The following TRIM37 variants were observed in gnomAD, a reference collection of about 807,000 sequenced individuals.
TRIM37 encodes the protein E3 ubiquitin-protein ligase TRIM37.
A neutral mutation model predicts 129.8 loss-of-function variants in TRIM37; 80 were observed. The observed-to-expected ratio is 0.62, with a 90% CI of 0.51 to 0.74. TRIM37 has a LOEUF of 0.74. TRIM37 is among the 30% of genes least tolerant of loss of function. The pLI is 0.00. For synonymous variants in TRIM37, 389 were observed against 387.1 expected (o/e 1.00, Z -0.06); for missense variants, 1,054 against 1,176.5 (o/e 0.90, Z 1.52).
At chr17:58,979,918 T>C, downstream of TRIM37, 1 of 1,413,760 alleles carries the variant, frequency 7.1e-7, no homozygotes, top group South Asian at 1.3e-5. Context: ...ATAAACGTTC[T>C]TAGCATGCAA....
intron 23 of TRIM37, among the ~76,000 whole-genome samples, chr17:59,000,207 A>T (rs1448330224): frequency 6.6e-6 from 1 of 152,234 alleles, no homozygotes; most frequent in African/African-American, 2.4e-5. Context: ...TATCCACATG[A>T]TAGAATATTA....
intron 9 of TRIM37, among the ~76,000 whole-genome samples, chr17:59,068,421 C>T (rs1487555605): frequency 6.6e-6 from 1 of 152,186 alleles, no homozygotes; most frequent in East Asian, 1.9e-4. Context: ...ATGCACCACA[C>T]TTTGAATTGA....
At chr17:59,101,114 TG>T (rs936549338) in intron 2 of TRIM37, among the ~76,000 whole-genome samples, 11 of 151,146 alleles carry the variant, frequency 7.3e-5, no homozygotes, top group African/African-American at 2.7e-4. Flanking sequence ...TAATAAAAAA[TG>T]ACTGGCTTGA....
chr17:59,103,922 A>C (rs1191076548), intron 2 of TRIM37, among the ~76,000 whole-genome samples: 1 of 152,136 alleles, frequency 6.6e-6, no homozygotes, highest in Non-Finnish European at 1.5e-5. Flanking sequence ...CCAACACTCA[A>C]GTTTTAAAGC....
the TRIM37 span, among the ~76,000 whole-genome samples, chr17:58,977,017 A>C: frequency 6.6e-6 from 1 of 152,144 alleles, no homozygotes; most frequent in Admixed American, 6.6e-5. Context: ...ATATCTTTTA[A>C]ATTTTTGCAT....
At chr17:59,087,214 G>A (rs1363120086) in intron 4 of TRIM37, among the ~76,000 whole-genome samples, 2 of 152,092 alleles carry the variant, frequency 1.3e-5, no homozygotes, top group East Asian at 3.9e-4. Flanking sequence ...TCCTGCCTCA[G>A]CCCCCCAAGT....
rs386833416 is a variant in TRIM37 at position 59,028,459 on chromosome 17, TC to T, written c.2212del (p.Glu738AsnfsTer31). 1.2e-5 allele frequency: 20 copies of T among 1,613,892 alleles called. No individual in the cohort carries two copies. The highest frequency in any genetic ancestry group is 5.1e-6 in the Non-Finnish European group (6 of 1,180,036). On this transcript the variant is annotated frameshift_variant, in exon 19 of 24. Coordinates refer to ENST00000262294, the MANE Select transcript of TRIM37 (RefSeq NM_015294.6). LOFTEE classifies it high-confidence loss of function. ...GGCAACTGATGACTTTGCCAGGAGT[TC>T]CATTCCCAAATCCTGCAATCTGCCA... ...NSGRLQDLGM[E>X]LLAKSSVANC...
intron 24 of TRIM37, among the ~76,000 whole-genome samples, chr17:58,989,296 C>A (rs1461406197): frequency 6.6e-6 from 1 of 152,020 alleles, no homozygotes; most frequent in Non-Finnish European, 1.5e-5. Flanking sequence ...ATCAGCCAGG[C>A]GTGGTGGTGC....
intron 21 of TRIM37, among the ~76,000 whole-genome samples, chr17:59,013,275 C>T (rs773269819): frequency 5.3e-5 from 8 of 152,054 alleles, no homozygotes; most frequent in African/African-American, 1.9e-4. Flanking sequence ...TCCCAAGTAG[C>T]TGGGATTACA....
chr17:59,087,922 A>G lies in TRIM37; in HGVS notation c.281+369T>C, dbSNP rs189971901. 153 of 355,954 alleles carry G rather than the reference A, an allele frequency of 4.3e-4. No individual in the cohort carries two copies. In the East Asian group the frequency reaches 7.1e-3, roughly 17 times the overall value. The allele number at this position is 355,954 out of a possible 1,614,324, so 22.0% of individuals were successfully genotyped here. On this transcript the variant is annotated intron_variant, in intron 4 of 23. Transcript: ENST00000262294. ...TCAAAATTCTTCAATCATGGAACAT[A>G]AGACCATTTATTCATTCTTGTCCCT...
rs180771677 is a variant in TRIM37 at position 59,048,007 on chromosome 17, A to G, written c.1531-188T>C. Among the ~76,000 whole-genome samples the G allele has an allele frequency of 6.7e-3, 1,020 of 152,290 alleles. 9 individuals are homozygous for G. Among genetic ancestry groups the G allele is most frequent in the African/African-American group, 0.023 (954 of 41,562 alleles). On this transcript the variant is annotated intron_variant, in intron 15 of 23. Coordinates refer to ENST00000262294, the MANE Select transcript of TRIM37 (RefSeq NM_015294.6). ...CAACCACACTGACTGATATCATTTT[A>G]CTAACTTATGCGTGCCGCCTTCAGC...
chr17:59,102,315 A>G (rs1671449126), intron 2 of TRIM37, among the ~76,000 whole-genome samples: 1 of 152,174 alleles, frequency 6.6e-6, no homozygotes, highest in Non-Finnish European at 1.5e-5. Flanking sequence ...ATACAGAATC[A>G]ATGAGGCATA....
chr17:59,001,495 C>T, intron 23 of TRIM37, 103 bp downstream of exon 23: 1 of 1,399,560 alleles, frequency 7.1e-7, no homozygotes. Context: ...GAAGCAAAAG[C>T]AGTAGAGCGG....
chr17:59,056,317 C>T (rs1357345278), intron 13 of TRIM37, among the ~76,000 whole-genome samples: 1 of 151,856 alleles, frequency 6.6e-6, no homozygotes, highest in Non-Finnish European at 1.5e-5. Context: ...TAGATGGAAA[C>T]ACCGGCGCAC....
At position 59,028,691 on chromosome 17, in the gene TRIM37, TC is replaced by T; in HGVS notation, c.1980del (p.Lys661SerfsTer12). On this transcript the variant is annotated frameshift_variant, in exon 19 of 24. Coordinates refer to ENST00000262294, the MANE Select transcript of TRIM37 (RefSeq NM_015294.6). LOFTEE classifies it high-confidence loss of function. ...ASYSRKDKDQ[R>X]KQQAMWRVPS... ...GGCACTCGCCACATTGCCTGTTGCT[TC>T]CTTTGGTCTTTATCTTTTCGAGAAT... The T allele has an allele frequency of 6.2e-7, 1 of 1,614,220 alleles. No homozygotes were observed.
intron 13 of TRIM37, among the ~76,000 whole-genome samples, chr17:59,055,829 G>C (rs2040817990): frequency 6.6e-6 from 1 of 152,076 alleles, no homozygotes; most frequent in Non-Finnish European, 1.5e-5. Flanking sequence ...TGGGTACTAG[G>C]CTTAGTATCT....
chr17:59,031,362 C>G (rs1464522528), intron 18 of TRIM37, among the ~76,000 whole-genome samples: 2 of 152,170 alleles, frequency 1.3e-5, no homozygotes, highest in Non-Finnish European at 2.9e-5. Context: ...CAAAATGACT[C>G]TATCCCCGAG....
At chr17:59,031,745 T>G (rs1276478326) in intron 18 of TRIM37, 151 bp downstream of exon 18, 1 of 793,812 alleles carries the variant, frequency 1.3e-6, no homozygotes, top group African/African-American at 1.7e-5. Context: ...AAAAACTAAT[T>G]TGGTTGACAT....
At position 59,048,448 on chromosome 17, in the gene TRIM37, T is replaced by C. The variant is rs752700073; in HGVS notation, c.1531-629A>G. 3.5e-4 allele frequency among the ~76,000 whole-genome samples: 54 copies of C among 152,212 alleles called. 1 individual carries two copies. Among genetic ancestry groups the C allele is most frequent in the Non-Finnish European group, 8.8e-5 (6 of 68,036 alleles). Reference sequence around the variant, plus strand: ...CTATGCATCCCTTCTTATGTAAAAATATCAACTACTTCTTGAACTCTTATT... The same window carrying C: ...CTATGCATCCCTTCTTATGTAAAAACATCAACTACTTCTTGAACTCTTATT... On this transcript the variant is annotated intron_variant, in intron 15 of 23. Transcript: ENST00000262294.
Sources: allele counts gnomAD v4.1 joint callset (sites outside exome capture counted in the v4.1 genomes callset), GRCh38; gene constraint gnomAD v4.1.1; transcripts MANE v1.5; gene names NCBI Gene and HGNC (gene_info 2026-07-23, HGNC 2026-07-21).